The following CDH20 variants were observed in gnomAD, a reference collection of about 807,000 sequenced individuals.
The protein encoded by CDH20 is cadherin 20.
A neutral mutation model predicts 74.2 loss-of-function variants in CDH20; 29 were observed. The observed-to-expected ratio is 0.39, with a 90% CI of 0.29 to 0.53. The LOEUF (loss-of-function observed/expected upper bound fraction) is 0.53. CDH20 is among the 20% of genes least tolerant of loss of function. The probability of loss-of-function intolerance (pLI) is 0.69; values close to 1 mark genes in which losing one functional copy is unlikely to be tolerated. For synonymous variants in CDH20, 469 were observed against 405.4 expected (o/e 1.16, Z -1.88); for missense variants, 988 against 1,048.3 (o/e 0.94, Z 0.79).
intron 1 of CDH20, among the ~76,000 whole-genome samples, chr18:61,354,056 AAAAAGAAAAAG>A (rs1260947293): frequency 2.7e-4 from 39 of 146,752 alleles, no homozygotes; most frequent in Admixed American, 1.3e-3. Flanking sequence ...AAAAAAAAAG[AAAAAGAAAAAG>A]AAAAGAAAAA....
chr18:61,393,572 A>G (rs966192233), intron 1 of CDH20, among the ~76,000 whole-genome samples: 4 of 152,210 alleles, frequency 2.6e-5, no homozygotes, highest in Non-Finnish European at 4.4e-5. Context: ...GTATTTTGGC[A>G]TCAAATACAA....
chr18:61,548,660 C>T (rs1488670235), intron 10 of CDH20, among the ~76,000 whole-genome samples: 5 of 152,238 alleles, frequency 3.3e-5, no homozygotes, highest in East Asian at 1.9e-4. Flanking sequence ...TTCTTGCTCA[C>T]ATACAGCCTG....
intron 7 of CDH20, among the ~76,000 whole-genome samples, chr18:61,533,264 G>C (rs949514743): frequency 6.6e-6 from 1 of 152,126 alleles, no homozygotes; most frequent in Non-Finnish European, 1.5e-5. Context: ...GTTTGGTCAT[G>C]CCACTGCACC....
chr18:61,417,909 T>G (rs924117032), intron 1 of CDH20, among the ~76,000 whole-genome samples: 9 of 152,178 alleles, frequency 5.9e-5, no homozygotes, highest in African/African-American at 2.2e-4. Flanking sequence ...CATCAAAATA[T>G]CACATGTACC....
intron 1 of CDH20, among the ~76,000 whole-genome samples, chr18:61,405,417 T>A (rs1032303938): frequency 6.6e-6 from 1 of 151,978 alleles, no homozygotes; most frequent in Non-Finnish European, 1.5e-5. Flanking sequence ...AAGACCCCCA[T>A]CTTTAAAAAA....
intron 1 of CDH20, among the ~76,000 whole-genome samples, chr18:61,407,917 T>C (rs1030641891): frequency 2.0e-5 from 3 of 152,186 alleles, no homozygotes; most frequent in South Asian, 2.1e-4. Flanking sequence ...CTGGTGAAAA[T>C]TGAATAAGGC....
chr18:61,399,087 T>A (rs1912079495), intron 1 of CDH20, among the ~76,000 whole-genome samples: 1 of 151,544 alleles, frequency 6.6e-6, no homozygotes, highest in South Asian at 2.1e-4. Flanking sequence ...ATGGAAAATA[T>A]GAAACTTTTA....
intron 1 of CDH20, among the ~76,000 whole-genome samples, chr18:61,476,417 C>T (rs1320453895): frequency 6.6e-6 from 1 of 152,260 alleles, no homozygotes; most frequent in East Asian, 1.9e-4. Context: ...AAACCCCACA[C>T]CAGAATCACG....
At chr18:61,478,639 A>G (rs1381795740) in intron 1 of CDH20, among the ~76,000 whole-genome samples, 1 of 152,212 alleles carries the variant, frequency 6.6e-6, no homozygotes. Context: ...GTGCATGAGG[A>G]GTAAACAGTG....
Position 61,555,227 on chromosome 18 carries a change from C to T in CDH20, c.*532C>T. ...ACTTGTTCTGGGATGGATGGAATTT[C>T]CCGTAACCCTTTTGAGACAAGGTTA... is the stretch of plus-strand genomic sequence containing the variant. On this transcript the variant is annotated 3_prime_UTR_variant, in exon 12 of 12. Coordinates refer to ENST00000262717, the MANE Select transcript of CDH20 (RefSeq NM_031891.4). 1.0e-6 allele frequency: 1 copy of T among 985,472 alleles called. No individual in the cohort carries two copies. The highest frequency in any genetic ancestry group is 1.2e-6 in the Non-Finnish European group (1 of 830,352). The allele number at this position is 985,472 out of a possible 1,614,324, so 61.0% of individuals were successfully genotyped here.
intron 1 of CDH20, among the ~76,000 whole-genome samples, chr18:61,396,774 G>A (rs1009723961): frequency 6.6e-6 from 1 of 152,224 alleles, no homozygotes; most frequent in African/African-American, 2.4e-5. Context: ...ATCCTGCAGA[G>A]GTAGCAGGCA....
Position 61,471,045 on chromosome 18 carries a change from G to T in CDH20, c.-152-19357G>T, listed in dbSNP as rs530064860. Among the ~76,000 whole-genome samples the T allele has an allele frequency of 3.3e-5, 5 of 152,218 alleles. No homozygotes were observed. The East Asian group carries it at 7.7e-4, about 24-fold the overall frequency. The stretch of plus-strand genomic sequence containing the variant: ...CCAAAGTACCAGTCAAAAGGTGAAA[G>T]AAATATATTATATTATGATGAAAAA... On this transcript the variant is annotated intron_variant, in intron 1 of 11. Transcript: ENST00000262717.
intron 6 of CDH20, among the ~76,000 whole-genome samples, chr18:61,509,427 C>A (rs532397459): frequency 5.0e-4 from 76 of 152,144 alleles, no homozygotes; most frequent in African/African-American, 1.6e-3. Flanking sequence ...TTGAGGAAAG[C>A]GTTCCAAGCA....
chr18:61,403,516 G>T (rs1327839623), intron 1 of CDH20, among the ~76,000 whole-genome samples: 2 of 152,172 alleles, frequency 1.3e-5, no homozygotes, highest in Non-Finnish European at 2.9e-5. Context: ...AGGCTGATAA[G>T]TAATTTCTAC....
chr18:61,496,419 G>A (rs910132635), intron 2 of CDH20, among the ~76,000 whole-genome samples: 10 of 150,862 alleles, frequency 6.6e-5, no homozygotes, highest in Non-Finnish European at 1.3e-4. Flanking sequence ...CCATCCATAC[G>A]GAACTTTCGC....
intron 1 of CDH20, among the ~76,000 whole-genome samples, chr18:61,349,703 A>C (rs2144109359): frequency 6.6e-6 from 1 of 152,212 alleles, no homozygotes; most frequent in East Asian, 1.9e-4. Context: ...ATGCAGCAAC[A>C]TCCTAAATTA....
chr18:61,446,919 A>C (rs114734697), intron 1 of CDH20, among the ~76,000 whole-genome samples: 237 of 152,346 alleles, frequency 1.6e-3, no homozygotes, highest in African/African-American at 5.3e-3. Flanking sequence ...GTGGAAACCA[A>C]GTAATTGTGT....
chr18:61,418,351 G>A (rs899632272), intron 1 of CDH20, among the ~76,000 whole-genome samples: 2 of 151,880 alleles, frequency 1.3e-5, no homozygotes, highest in Admixed American at 6.6e-5. Context: ...TCAGGAGATC[G>A]AGACCATACT....
chr18:61,497,089 G>A (rs1275754014), intron 2 of CDH20, among the ~76,000 whole-genome samples: 2 of 58,504 alleles, frequency 3.4e-5, no homozygotes, highest in South Asian at 6.9e-4. Context: ...GATTTGGATT[G>A]TAAAAAAAAA....
Sources: gnomAD v4.1 joint callset for allele counts (sites outside exome capture counted in the v4.1 genomes callset) on GRCh38, gnomAD v4.1.1 for gene constraint, MANE v1.5 for transcripts, NCBI Gene and HGNC (gene_info 2026-07-23, HGNC 2026-07-21) for gene names.